COL21A1: variants seen among roughly 807,000 people sequenced by gnomAD.
The protein encoded by COL21A1 is collagen type XXI alpha 1 chain, also known as collagen alpha-1(XXI) chain.
In COL21A1, 149 loss-of-function variants were observed where a neutral mutation model predicts 137.9. That is an observed-to-expected ratio of 1.08 (90% CI 0.95 to 1.24). COL21A1 has a LOEUF of 1.24. Ranked by LOEUF, COL21A1 falls within the 50% of genes most tolerant of loss-of-function variation. COL21A1 has a pLI of 0.00. For synonymous variants in COL21A1, 456 were observed against 391.5 expected (o/e 1.16, Z -1.95); for missense variants, 1,167 against 1,158.4 (o/e 1.01, Z -0.11).
chr6:56,332,583 C>T (rs914415815), intron 1 of COL21A1, among the ~76,000 whole-genome samples: 2 of 147,132 alleles, frequency 1.4e-5, no homozygotes, highest in Admixed American at 6.7e-5. Context: ...CCAAATAGCC[C>T]CCCCGCCCCC....
intron 7 of COL21A1, among the ~76,000 whole-genome samples, chr6:56,165,586 T>G (rs1225811959): frequency 6.6e-6 from 1 of 152,250 alleles, no homozygotes; most frequent in Non-Finnish European, 1.5e-5. Flanking sequence ...TTTCAAGTTA[T>G]AAATATCTAA....
intron 17 of COL21A1, among the ~76,000 whole-genome samples, chr6:56,093,330 C>A (rs766560830): frequency 8.8e-4 from 134 of 152,064 alleles, no homozygotes; most frequent in Non-Finnish European, 1.7e-3. Flanking sequence ...ATTTCAAATT[C>A]TTATCTAAAT....
At chr6:56,120,055 A>G (rs980647289) in intron 16 of COL21A1, among the ~76,000 whole-genome samples, 6 of 152,186 alleles carry the variant, frequency 3.9e-5, no homozygotes, top group African/African-American at 7.2e-5. Context: ...AACATGGACA[A>G]ATCATGTTGA....
chr6:56,219,620 A>T (rs149422616), intron 1 of COL21A1, among the ~76,000 whole-genome samples: 2 of 152,296 alleles, frequency 1.3e-5, no homozygotes, highest in Admixed American at 1.3e-4. Context: ...ATTAACAAAA[A>T]AATTGCAATA....
chr6:56,298,166 G>A (rs573423445), intron 1 of COL21A1, among the ~76,000 whole-genome samples: 24 of 151,990 alleles, frequency 1.6e-4, no homozygotes, highest in South Asian at 4.2e-4. Context: ...ATTGGAAGGC[G>A]CCAAGTCCAA....
intron 10 of COL21A1, among the ~76,000 whole-genome samples, chr6:56,147,958 C>T (rs868670978): frequency 1.1e-4 from 16 of 147,254 alleles, no homozygotes; most frequent in Non-Finnish European, 1.4e-4. Flanking sequence ...TTGGATTATA[C>T]GCAAATTCAG....
chr6:56,086,260 C>T (rs990771489), intron 17 of COL21A1, among the ~76,000 whole-genome samples: 4 of 151,774 alleles, frequency 2.6e-5, no homozygotes, highest in African/African-American at 9.7e-5. Flanking sequence ...ACCCACCACA[C>T]GATTTTTATA....
At chr6:56,153,835 ACCTGTAAGAGAGC>A (rs1415824582) in intron 10 of COL21A1, among the ~76,000 whole-genome samples, 1 of 151,748 alleles carries the variant, frequency 6.6e-6, no homozygotes, top group East Asian at 1.9e-4. Flanking sequence ...TCTCTTTTTC[ACCTGTAAGAGAGC>A]CCTGTGGTCA....
intron 1 of COL21A1, among the ~76,000 whole-genome samples, chr6:56,323,815 G>A (rs528227985): frequency 1.1e-4 from 16 of 152,078 alleles, no homozygotes; most frequent in East Asian, 1.9e-4. Flanking sequence ...TTAAGCATTC[G>A]GTGACTTTAA....
intron 1 of COL21A1, among the ~76,000 whole-genome samples, chr6:56,203,943 C>G (rs575017269): frequency 1.6e-4 from 24 of 152,288 alleles, no homozygotes; most frequent in African/African-American, 5.5e-4. Context: ...GGCCCAGATA[C>G]TGCACTTTTC....
chr6:56,370,629 C>T (rs1766218475), intron 1 of COL21A1, among the ~76,000 whole-genome samples: 7 of 152,222 alleles, frequency 4.6e-5, no homozygotes, highest in Admixed American at 4.6e-4. Flanking sequence ...ATGATACCAT[C>T]ACAAGGCGAA....
chr6:56,183,930 T>C (rs1778089223), intron 1 of COL21A1, among the ~76,000 whole-genome samples: 1 of 152,166 alleles, frequency 6.6e-6, no homozygotes, highest in Admixed American at 6.5e-5. Context: ...CGGGTTTACC[T>C]GCATCCACTG....
In COL21A1 at chr6:56,100,595, T is replaced by C. The variant is rs578045693; in HGVS notation, c.1812+877A>G. On this transcript the variant is annotated intron_variant, in intron 17 of 29. Coordinates refer to ENST00000244728, the MANE Select transcript of COL21A1 (RefSeq NM_030820.4). ...TTTGGCACATAATATAAAGAGTTGG[T>C]AATTATTTGCATCATTTTTTTCAGT... Among the ~76,000 whole-genome samples, 7 of 152,292 alleles carry C rather than the reference T, an allele frequency of 4.6e-5. No homozygotes were observed. In the South Asian group the frequency reaches 1.0e-3, roughly 23 times the overall value.
rs576545649 is a variant in COL21A1 at position 56,113,044 on chromosome 6, C to A, written c.1758+11018G>T. On this transcript the variant is annotated intron_variant, in intron 16 of 29. Transcript: ENST00000244728. ...GAATTACCCATCCCAGTGGTCTGAACTTGAGTGCCTGTAAACCTCACCACC... is the reference window on the plus strand; with the variant it reads ...GAATTACCCATCCCAGTGGTCTGAAATTGAGTGCCTGTAAACCTCACCACC... 2.6e-5 allele frequency among the ~76,000 whole-genome samples: 4 copies of A among 152,310 alleles called. No homozygotes were observed. In the East Asian group the frequency reaches 7.7e-4, roughly 29 times the overall value.
intron 12 of COL21A1, among the ~76,000 whole-genome samples, chr6:56,130,185 A>ATT (rs1175232916): frequency 7.5e-4 from 11 of 14,592 alleles, no homozygotes; most frequent in African/African-American, 1.9e-3. Flanking sequence ...ATATATATAT[A>ATT]TATATATATA....
At chr6:56,057,880 CT>C in intron 29 of COL21A1, 36 bp from the exon 30 acceptor site, 2 of 1,401,490 alleles carry the variant, frequency 1.4e-6, no homozygotes, top group South Asian at 3.3e-5. Context: ...AAACAGAGGA[CT>C]TTAGTTTTTT....
chr6:56,128,776 T>C (rs1773258037), intron 12 of COL21A1, among the ~76,000 whole-genome samples: 1 of 152,182 alleles, frequency 6.6e-6, no homozygotes, highest in African/African-American at 2.4e-5. Flanking sequence ...TGCCTCAGCC[T>C]CCTGAGTAGC....
rs1391122231 is a variant in COL21A1, at chr6:56,074,370, ATAAT to A, written c.1912-89_1912-86del. ...ATCAATTTCCAAGTTACACATTCTC[ATAAT>A]TAATTCACTAAATTATAATACAGAT... On this transcript the variant is annotated intron_variant, in intron 19 of 29. Coordinates refer to ENST00000244728, the MANE Select transcript of COL21A1 (RefSeq NM_030820.4). 70 of 860,988 alleles carry A rather than the reference ATAAT, an allele frequency of 8.1e-5. No homozygotes were observed. The South Asian group carries it at 8.2e-4, about 10-fold the overall frequency. The allele number at this position is 860,988 out of a possible 1,614,324, so 53.3% of individuals were successfully genotyped here.
chr6:56,361,765 CGTGTGTGTGTGTG>C (rs1765972794), intron 1 of COL21A1, among the ~76,000 whole-genome samples: 1 of 151,186 alleles, frequency 6.6e-6, no homozygotes, highest in Admixed American at 6.6e-5. Context: ...TGTGCGTGTG[CGTGTGTGTGTGTG>C]GTGTGTGTGT....
Sources: allele counts gnomAD v4.1 joint callset (sites outside exome capture counted in the v4.1 genomes callset), GRCh38; gene constraint gnomAD v4.1.1; transcripts MANE v1.5; gene names NCBI Gene and HGNC (gene_info 2026-07-23, HGNC 2026-07-21).